Variants in ADD3 observed in about 807,000 individuals in gnomAD.
The protein encoded by ADD3 is gamma-adducin.
A neutral mutation model predicts 80.2 loss-of-function variants in ADD3; 25 were observed. The observed-to-expected ratio is 0.31, with a 90% CI of 0.23 to 0.44. The LOEUF (loss-of-function observed/expected upper bound fraction) is 0.44, where lower values mean the gene tolerates loss of function less well. Ranked by LOEUF, ADD3 falls within the 20% of genes least tolerant of loss-of-function variation. ADD3 has a pLI of 1.00. For missense variants in ADD3, 829 were observed against 847.5 expected (o/e 0.98, Z 0.27); for synonymous variants, 284 against 289.6 (o/e 0.98, Z 0.20).
chr10:110,012,807 C>G (rs553518531), intron 1 of ADD3, among the ~76,000 whole-genome samples: 1 of 151,846 alleles, frequency 6.6e-6, no homozygotes, highest in East Asian at 1.9e-4. Flanking sequence ...CTATGTTGCC[C>G]AGGCTGGTCT....
In ADD3 at chr10:110,008,230, C is replaced by G. The variant is rs1056870159; in HGVS notation, c.-99C>G. On this transcript the variant is annotated 5_prime_UTR_variant, in exon 1 of 15. Coordinates refer to ENST00000356080, the MANE Select transcript of ADD3 (RefSeq NM_016824.5). ...GAGGCGGCCGCAGCGGCGGATCCGG[C>G]GGCTGCTGCAGCCCGGGCGGCTGCC... 6.6e-6 allele frequency: 1 copy of G among 152,234 alleles called. No homozygotes were observed. Among genetic ancestry groups the G allele is most frequent in the African/African-American group, 2.4e-5 (1 of 41,416 alleles). The allele number at this position is 152,234 out of a possible 1,614,324, so 9.4% of individuals were successfully genotyped here.
chr10:110,019,603 C>T (rs1488121800), intron 1 of ADD3, among the ~76,000 whole-genome samples: 1 of 152,208 alleles, frequency 6.6e-6, no homozygotes, highest in Non-Finnish European at 1.5e-5. Flanking sequence ...ATCCGCCCAC[C>T]TCGGCCTCCC....
At chr10:110,062,539 C>T (rs2133525317) in intron 1 of ADD3, among the ~76,000 whole-genome samples, 1 of 152,172 alleles carries the variant, frequency 6.6e-6, no homozygotes, top group East Asian at 1.9e-4. Context: ...GTGATCTCAC[C>T]ACTGCACTCC....
At chr10:110,023,567 C>T (rs1276327566) in intron 1 of ADD3, among the ~76,000 whole-genome samples, 1 of 152,166 alleles carries the variant, frequency 6.6e-6, no homozygotes, top group African/African-American at 2.4e-5. Flanking sequence ...CTAAATGTGG[C>T]ATTTGACTCC....
intron 1 of ADD3, among the ~76,000 whole-genome samples, chr10:110,011,093 T>TC (rs1009352357): frequency 6.6e-5 from 10 of 151,958 alleles, no homozygotes; most frequent in Admixed American, 2.6e-4. Context: ...TCTTTTTTTT[T>TC]TTTTTTGAAG....
intron 1 of ADD3, among the ~76,000 whole-genome samples, chr10:110,097,796 A>T (rs1319141730): frequency 1.4e-5 from 2 of 141,192 alleles, no homozygotes; most frequent in Non-Finnish European, 3.0e-5. Context: ...TTTTTTTGAG[A>T]TAGAGTCTCG....
intron 1 of ADD3, among the ~76,000 whole-genome samples, chr10:110,046,219 A>G (rs1856890196): frequency 6.6e-6 from 1 of 152,202 alleles, no homozygotes; most frequent in African/African-American, 2.4e-5. Context: ...TTATGGTATC[A>G]ATAAATACAG....
chr10:110,084,626 T>C (rs953177584), intron 1 of ADD3, among the ~76,000 whole-genome samples: 12 of 152,216 alleles, frequency 7.9e-5, no homozygotes, highest in African/African-American at 2.4e-4. Context: ...TTTCTCCATA[T>C]GAGAAATGAG....
intron 12 of ADD3, among the ~76,000 whole-genome samples, chr10:110,129,674 T>C (rs1402373183): frequency 1.3e-5 from 2 of 152,258 alleles, no homozygotes; most frequent in African/African-American, 4.8e-5. Flanking sequence ...GCTTCTCATT[T>C]GCATCCTTTT....
At chr10:110,054,939 C>G (rs1327241252) in intron 1 of ADD3, among the ~76,000 whole-genome samples, 1 of 151,414 alleles carries the variant, frequency 6.6e-6, no homozygotes, top group Non-Finnish European at 1.5e-5. Flanking sequence ...CTTTTTGTAT[C>G]TTTAGTAGAG....
At chr10:110,007,260 A>T (rs1851714266), upstream of ADD3, among the ~76,000 whole-genome samples, 1 of 152,166 alleles carries the variant, frequency 6.6e-6, no homozygotes, top group Admixed American at 6.5e-5. Context: ...CGAGGGGTCC[A>T]AATGAAGCAG....
intron 2 of ADD3, among the ~76,000 whole-genome samples, chr10:110,101,867 A>G (rs1169118187): frequency 6.6e-6 from 1 of 152,224 alleles, no homozygotes; most frequent in South Asian, 2.1e-4. Context: ...GCACACAGAC[A>G]TATGATGCCC....
chr10:110,126,108 G>A (rs1317196835), intron 11 of ADD3, among the ~76,000 whole-genome samples, 163 bp downstream of exon 11: 1 of 152,208 alleles, frequency 6.6e-6, no homozygotes, highest in Non-Finnish European at 1.5e-5. Context: ...CTCCAGCTCT[G>A]TGCTAGTAAT....
intron 1 of ADD3, among the ~76,000 whole-genome samples, chr10:110,024,874 G>A (rs573431496): frequency 2.4e-4 from 37 of 151,384 alleles, no homozygotes; most frequent in African/African-American, 6.5e-4. Flanking sequence ...GCACAAAAGC[G>A]TATACAGTGA....
chr10:110,121,929 A>T, intron 8 of ADD3, 181 bp from the exon 9 acceptor site: 1 of 466,104 alleles, frequency 2.1e-6, no homozygotes, highest in Non-Finnish European at 3.7e-6. Context: ...TCTTTTTCAG[A>T]TAGGTGGAAA....
At chr10:110,067,425 A>G (rs10749026) in intron 1 of ADD3, among the ~76,000 whole-genome samples, 142,234 of 152,218 alleles carry the variant, frequency 0.93, 66,680 homozygotes, top group East Asian at 1. Context: ...TCTTCCCTCC[A>G]CCTCCCCTTT....
intron 1 of ADD3, among the ~76,000 whole-genome samples, chr10:110,093,927 G>A (rs1002268285): frequency 5.3e-5 from 8 of 152,054 alleles, no homozygotes; most frequent in Admixed American, 5.2e-4. Flanking sequence ...TTTGAACAGT[G>A]GTTGACCACA....
intron 1 of ADD3, among the ~76,000 whole-genome samples, chr10:110,038,119 T>C (rs940333994): frequency 6.9e-6 from 1 of 145,222 alleles, no homozygotes; most frequent in African/African-American, 2.5e-5. Flanking sequence ...CAGCAACAAA[T>C]TGGTAGATAA....
At chr10:110,106,858 A>G (rs1029197571) in intron 2 of ADD3, among the ~76,000 whole-genome samples, 1 of 152,158 alleles carries the variant, frequency 6.6e-6, no homozygotes, top group African/African-American at 2.4e-5. Flanking sequence ...ACATTCAATG[A>G]GGATGAATTT....
Sources: gnomAD v4.1 joint callset for allele counts (sites outside exome capture counted in the v4.1 genomes callset) on GRCh38, gnomAD v4.1.1 for gene constraint, MANE v1.5 for transcripts, NCBI Gene and HGNC (gene_info 2026-07-23, HGNC 2026-07-21) for gene names.